CDC25C: variants seen among roughly 807,000 people sequenced by gnomAD.
The protein encoded by CDC25C is cell division cycle 25C, also known as M-phase inducer phosphatase 3.
In CDC25C, 48 loss-of-function variants were observed where a neutral mutation model predicts 52.5. The observed-to-expected ratio is 0.91, with a 90% CI of 0.72 to 1.16. The LOEUF (loss-of-function observed/expected upper bound fraction) is 1.16. Ranked by LOEUF, CDC25C falls within the 50% of genes most tolerant of loss-of-function variation. The probability of loss-of-function intolerance (pLI) is 0.00; values close to 1 mark genes in which losing one functional copy is unlikely to be tolerated. For synonymous variants in CDC25C, 187 were observed against 206.5 expected, an observed-to-expected ratio of 0.91 and a Z score of 0.81; for missense variants, 510 against 566.1, an observed-to-expected ratio of 0.90 and a Z score of 1.01.
At chr5:138,337,312 G>C (rs1203201362) in intron 1 of CDC25C, among the ~76,000 whole-genome samples, 1 of 152,164 alleles carries the variant, frequency 6.6e-6, no homozygotes, top group Non-Finnish European at 1.5e-5. Flanking sequence ...GCTCATGTGG[G>C]AGGTGGTGGT....
intron 4 of CDC25C, among the ~76,000 whole-genome samples, chr5:138,326,675 G>A (rs1471955023): frequency 3.3e-5 from 5 of 152,016 alleles, no homozygotes; most frequent in Non-Finnish European, 7.4e-5. Flanking sequence ...AATTTCTGGC[G>A]GGGCGCTGTG....
chr5:138,328,377 T>C (rs1468390972), intron 4 of CDC25C, 107 bp downstream of exon 4: 4 of 960,026 alleles, frequency 4.2e-6, no homozygotes, highest in South Asian at 1.4e-5. Flanking sequence ...AGCCCACTTA[T>C]ACCCAGTATG....
rs971779849 is a variant in CDC25C, at chr5:138,329,577, T to C, written c.265A>G (p.Thr89Ala). 1.3e-5 allele frequency: 21 copies of C among 1,612,382 alleles called. No individual in the cohort carries two copies. The highest frequency in any genetic ancestry group is 1.7e-5 in the Non-Finnish European group (20 of 1,178,548). Residue 89 changes from threonine (T) to alanine (A), a missense_variant, in exon 3 of 14, where the codon ACT becomes GCT. By Grantham distance (58) the Thr-to-Ala change is moderately conservative. Transcript: ENST00000323760. ...CCAGTTTCATCAAGGTCTGCAGAAG[T>C]GGTAAGCTGAGTGGCAGTTATCTCC... ...SGEITATQLT[T>A]SADLDETGHL...
chr5:138,298,945 C>A (rs1430918256), intron 7 of CDC25C, among the ~76,000 whole-genome samples: 1 of 151,860 alleles, frequency 6.6e-6, no homozygotes. Flanking sequence ...GTAATCCCAG[C>A]ACTTTGGGAG....
intron 1 of CDC25C, chr5:138,337,884 G>A: frequency 9.0e-7 from 1 of 1,115,664 alleles, no homozygotes; most frequent in South Asian, 1.3e-5. Context: ...TGCGTGACGC[G>A]GCCCGAACCG....
intron 3 of CDC25C, 54 bp downstream of exon 3, chr5:138,329,499 T>C (rs750305447): frequency 2.3e-5 from 26 of 1,120,394 alleles, no homozygotes; most frequent in Middle Eastern, 2.0e-4. Context: ...CTTCCCTGTT[T>C]TCTCCCTTAA....
chr5:138,290,239 G>T (rs1366655974), intron 9 of CDC25C, among the ~76,000 whole-genome samples: 1 of 152,040 alleles, frequency 6.6e-6, no homozygotes, highest in Non-Finnish European at 1.5e-5. Flanking sequence ...AAAAAAATCT[G>T]TAAGAATATG....
intron 8 of CDC25C, 34 bp downstream of exon 8, chr5:138,291,936 G>A (rs11567990): frequency 6.3e-7 from 1 of 1,577,102 alleles, no homozygotes; most frequent in Non-Finnish European, 8.6e-7. Context: ...TGAGATAGAA[G>A]ATGAACAAGA....
intron 7 of CDC25C, among the ~76,000 whole-genome samples, chr5:138,305,470 T>A (rs1757938237): frequency 6.6e-6 from 1 of 152,188 alleles, no homozygotes; most frequent in Non-Finnish European, 1.5e-5. Context: ...GGCATGATCA[T>A]GGCTCACTGT....
At position 138,328,543 on chromosome 5, in the gene CDC25C, T is replaced by A. The variant is rs762703715; in HGVS notation, c.290-14A>T. On this transcript the variant is annotated splice_polypyrimidine_tract_variant and intron_variant, in intron 3 of 13. Coordinates refer to ENST00000323760, the MANE Select transcript of CDC25C (RefSeq NM_001790.5). Reference sequence around the variant, plus strand: ...AATCCAGGTGACCTGCAATCAAATATAAAGAATCAGTAAAAGGAGTTATTC... The same window carrying A: ...AATCCAGGTGACCTGCAATCAAATAAAAAGAATCAGTAAAAGGAGTTATTC... 1 of 1,609,888 alleles carries A rather than the reference T, an allele frequency of 6.2e-7. No individual in the cohort carries two copies. Among genetic ancestry groups the A allele is most frequent in the Non-Finnish European group, 8.5e-7 (1 of 1,176,104 alleles).
intron 7 of CDC25C, among the ~76,000 whole-genome samples, chr5:138,299,294 G>A (rs1206444762): frequency 8.1e-5 from 12 of 147,660 alleles, no homozygotes; most frequent in Non-Finnish European, 1.2e-4. Flanking sequence ...TCAGGAGTTC[G>A]AGACCAGCCT....
At chr5:138,287,401 G>A in intron 10 of CDC25C, 134 bp from the exon 11 acceptor site, 1 of 588,974 alleles carries the variant, frequency 1.7e-6, no homozygotes, top group Non-Finnish European at 3.0e-6. Flanking sequence ...CCCCATATTT[G>A]ATATGTGGCA....
chr5:138,319,158 C>T (rs1759139912), intron 7 of CDC25C, 61 bp downstream of exon 7: 3 of 1,424,270 alleles, frequency 2.1e-6, no homozygotes, highest in Non-Finnish European at 1.9e-6. Context: ...TTGTCTAGTT[C>T]TTCTTTTAAC....
At chr5:138,286,741 C>T (rs760334603) in intron 11 of CDC25C, 111 bp from the exon 12 acceptor site, 3 of 959,140 alleles carry the variant, frequency 3.1e-6, no homozygotes, top group Middle Eastern at 2.7e-4. Context: ...AAAAGCTGGA[C>T]TATAAGCACC....
intron 7 of CDC25C, among the ~76,000 whole-genome samples, chr5:138,311,812 G>A (rs1257518982): frequency 6.6e-6 from 1 of 152,128 alleles, no homozygotes; most frequent in Non-Finnish European, 1.5e-5. Flanking sequence ...TATCTGATAA[G>A]GGATTGATAT....
At chr5:138,297,204 C>G (rs975795081) in intron 7 of CDC25C, among the ~76,000 whole-genome samples, 30 of 152,096 alleles carry the variant, frequency 2.0e-4, no homozygotes, top group African/African-American at 7.0e-4. Context: ...AGCCACCGCG[C>G]CTGGCCATTA....
rs3734165 is a variant in CDC25C at position 138,325,745 on chromosome 5, T to C, written c.459+70A>G. 557,881 of 1,050,498 alleles carry C rather than the reference T, an allele frequency of 0.53. 154,244 individuals are homozygous for C. The highest frequency in any genetic ancestry group is 0.69 in the South Asian group (53,640 of 77,418). 65.1% of individuals were successfully genotyped at this position (1,050,498 alleles called of 1,614,324 possible). A position where few individuals can be genotyped will look rare whatever the true frequency, so the allele number is the denominator to read the frequency against. On this transcript the variant is annotated intron_variant, in intron 6 of 13. Coordinates refer to ENST00000323760, the MANE Select transcript of CDC25C (RefSeq NM_001790.5). The stretch of plus-strand genomic sequence containing the variant: ...GAGGTATAAACAGTTCTATGTCTCA[T>C]TATGATACCAAGTTTCTTCACTCAA...
In CDC25C at chr5:138,292,019, G is replaced by T; in HGVS notation, c.713C>A (p.Pro238Gln). 6.2e-7 allele frequency: 1 copy of T among 1,611,864 alleles called. No homozygotes were observed. Residue 238 changes from proline to glutamine, a missense_variant, in exon 8 of 14, where the codon CCA becomes CAA. By Grantham distance (76) the Pro-to-Gln change is moderately conservative. Transcript: ENST00000323760. Reference protein sequence around the residue: ...QVEKFKDNTIPDKVKKKYFSG... With the variant: ...QVEKFKDNTIQDKVKKKYFSG... ...AAAATACTTTTTTTTAACTTTATCT[G>T]GTATTGTGTTGTCCTTGAATTTTTC...
At chr5:138,330,859 A>G in intron 2 of CDC25C, 128 bp downstream of exon 2, 1 of 657,224 alleles carries the variant, frequency 1.5e-6, no homozygotes. Context: ...AGGGTTACAC[A>G]GTCAAGGGCA....
Sources: gnomAD v4.1 joint callset for allele counts (sites outside exome capture counted in the v4.1 genomes callset) on GRCh38, gnomAD v4.1.1 for gene constraint, MANE v1.5 for transcripts, NCBI Gene and HGNC (gene_info 2026-07-23, HGNC 2026-07-21) for gene names.